Variants in ABCB11 observed in about 807,000 individuals in gnomAD.
The protein encoded by ABCB11 is ATP binding cassette subfamily B member 11.
Under a neutral mutation model 148.0 loss-of-function variants are expected in ABCB11, and 95 were observed. The observed-to-expected ratio is 0.64, with a 90% CI of 0.54 to 0.76. ABCB11 has a LOEUF of 0.76. ABCB11 is among the 30% of genes least tolerant of loss of function. ABCB11 has a pLI of 0.00. For missense variants in ABCB11, 1,523 were observed against 1,617.8 expected, an observed-to-expected ratio of 0.94 and a Z score of 1.01; for synonymous variants, 591 against 555.4, an observed-to-expected ratio of 1.06 and a Z score of -0.90.
At chr2:168,945,242 G>A (rs1244764625) in intron 19 of ABCB11, among the ~76,000 whole-genome samples, 2 of 151,736 alleles carry the variant, frequency 1.3e-5, no homozygotes, top group Non-Finnish European at 2.9e-5. Flanking sequence ...GGAAATCTCT[G>A]TACCTTCCTC....
chr2:169,003,347 T>C (rs894903640), intron 5 of ABCB11, among the ~76,000 whole-genome samples: 47 of 148,234 alleles, frequency 3.2e-4, no homozygotes, highest in African/African-American at 9.4e-4. Context: ...TGTGTGTGTG[T>C]GCATATATAT....
chr2:168,920,660 A>G (rs1426025629), downstream of ABCB11, among the ~76,000 whole-genome samples: 53 of 152,224 alleles, frequency 3.5e-4, 1 homozygote, highest in Admixed American at 3.5e-3. Context: ...AAGTTTAAAC[A>G]GAACAAATTA....
chr2:168,967,059 C>T (rs926415616), intron 17 of ABCB11, among the ~76,000 whole-genome samples: 1 of 151,832 alleles, frequency 6.6e-6, no homozygotes, highest in African/African-American at 2.4e-5. Flanking sequence ...TCATAAGAAA[C>T]ATGTCCACTT....
In ABCB11 at chr2:168,990,820, C is replaced by T; in HGVS notation, c.889G>A (p.Glu297Lys). ...ACCAACCTTTCAACCTCTCTTTTCT[C>T]ACCACCAAAAGCAGCCACTGTTCTC... ...SMRTVAAFGG[E>K]KREVERYEKN... Residue 297 changes from glutamate (E) to lysine (K), a missense_variant, in exon 9 of 28, where the codon GAG (glutamate) becomes AAG (lysine). Glu to Lys is a moderately conservative substitution (Grantham distance 56). Transcript: ENST00000650372. 3.7e-6 allele frequency: 6 copies of T among 1,613,122 alleles called. No homozygotes were observed. The highest frequency in any genetic ancestry group is 5.1e-6 in the Non-Finnish European group (6 of 1,179,322).
At chr2:168,983,836 A>C (rs1203612269) in intron 10 of ABCB11, among the ~76,000 whole-genome samples, 1 of 151,658 alleles carries the variant, frequency 6.6e-6, no homozygotes, top group Non-Finnish European at 1.5e-5. Flanking sequence ...GAGCTAAAAA[A>C]TTTTACTTAA....
chr2:168,923,615 C>T lies in ABCB11; in HGVS notation c.*7G>A. The stretch of plus-strand genomic sequence containing the variant: ...GCGTCATGTGTGTCTGAGATTCTTG[C>T]ATTGGGTCAACTGATGGGGGATCCA... On this transcript the variant is annotated 3_prime_UTR_variant, in exon 28 of 28. Transcript: ENST00000650372. 6.2e-7 allele frequency: 1 copy of T among 1,613,678 alleles called. No individual in the cohort carries two copies. Among genetic ancestry groups the T allele is most frequent in the Non-Finnish European group, 8.5e-7 (1 of 1,179,762 alleles).
At chr2:169,014,065 C>T (rs186150536) in intron 4 of ABCB11, among the ~76,000 whole-genome samples, 1 of 152,146 alleles carries the variant, frequency 6.6e-6, no homozygotes, top group East Asian at 1.9e-4. Context: ...TAACCATGGG[C>T]TTAGTGATAA....
At chr2:168,975,769 A>G (rs911983688) in intron 12 of ABCB11, among the ~76,000 whole-genome samples, 1 of 147,532 alleles carries the variant, frequency 6.8e-6, no homozygotes. Flanking sequence ...TATATATATC[A>G]CAGATATATG....
Position 168,930,737 on chromosome 2 carries a change from C to T in ABCB11, c.3339G>A (p.Gly1113=), listed in dbSNP as rs1691531877. ...ISPGQTLAFV[G]SSGCGKSTSI... is the part of the protein sequence containing the mutation. ...TAGTGCTTTTGCCACATCCACTGCT[C>T]CCAACAAACGCCAGTGTCTGCCCTG... Residue 1113 remains glycine, a synonymous_variant, in exon 25 of 28, where the codon GGG becomes GGA. Coordinates refer to ENST00000650372, the MANE Select transcript of ABCB11 (RefSeq NM_003742.4). The T allele has an allele frequency of 6.2e-7, 1 of 1,609,154 alleles. No homozygotes were observed. The highest frequency in any genetic ancestry group is 8.5e-7 in the Non-Finnish European group (1 of 1,176,684).
At chr2:168,982,962 G>C (rs1694186129) in intron 10 of ABCB11, among the ~76,000 whole-genome samples, 1 of 152,166 alleles carries the variant, frequency 6.6e-6, no homozygotes, top group Non-Finnish European at 1.5e-5. Context: ...TGCCATGTCT[G>C]CACATAGCAA....
chr2:168,993,958 C>T (rs1191347484), intron 7 of ABCB11, 76 bp from the exon 8 acceptor site: 1 of 1,233,368 alleles, frequency 8.1e-7, no homozygotes, highest in Non-Finnish European at 1.1e-6. Flanking sequence ...CTCAGTCTTT[C>T]CCTTTTAAAC....
chr2:168,997,774 C>T (rs1200389576), intron 5 of ABCB11, among the ~76,000 whole-genome samples: 3 of 151,952 alleles, frequency 2.0e-5, no homozygotes, highest in Non-Finnish European at 2.9e-5. Context: ...ATAAACTGCA[C>T]TATTAGTCAA....
In ABCB11 at chr2:168,927,257, T is replaced by C. The variant is rs764069770; in HGVS notation, c.3517A>G (p.Asn1173Asp). The change falls in exon 26 of 28, where the codon AAT (asparagine) becomes GAT (aspartate). Residue 1173 changes from asparagine (N) to aspartate (D), a missense_variant. Physicochemically the swap from Asn to Asp is conservative, Grantham distance 23. Transcript: ENST00000650372. ...TTGGTGTTGTCTCCATACTTGATAT[T>C]GTCCATTATGCTACAGGCAAACAAC... Reference protein sequence around the residue: ...PVLFACSIMDNIKYGDNTKEI... With the variant: ...PVLFACSIMDDIKYGDNTKEI... 6.2e-7 allele frequency: 1 copy of C among 1,613,916 alleles called. No homozygotes were observed. The highest frequency in any genetic ancestry group is 1.7e-5 in the Admixed American group (1 of 60,018).
At chr2:168,933,041 A>G (rs1427123611) in intron 23 of ABCB11, among the ~76,000 whole-genome samples, 2 of 150,930 alleles carry the variant, frequency 1.3e-5, no homozygotes, top group African/African-American at 2.4e-5. Flanking sequence ...CCTGGGAGGC[A>G]GAGCTTGCAG....
intron 6 of ABCB11, among the ~76,000 whole-genome samples, chr2:168,996,259 C>A (rs1387607251): frequency 6.6e-6 from 1 of 152,028 alleles, no homozygotes. Flanking sequence ...TTTAGCAATG[C>A]GAGAAAAAGA....
At chr2:169,017,921 A>G (rs1024913842) in intron 2 of ABCB11, 129 bp downstream of exon 2, 12 of 819,760 alleles carry the variant, frequency 1.5e-5, no homozygotes, top group Non-Finnish European at 2.4e-5. Context: ...GTGTATAAGA[A>G]TCACACACAA....
At chr2:169,015,110 T>C (rs1695313179) in intron 3 of ABCB11, among the ~76,000 whole-genome samples, 2 of 152,158 alleles carry the variant, frequency 1.3e-5, no homozygotes, top group African/African-American at 2.4e-5. Flanking sequence ...TTTCCTTCCA[T>C]TGCTAAACCC....
chr2:168,918,028 C>T (rs58727653), downstream of ABCB11, among the ~76,000 whole-genome samples: 574 of 145,904 alleles, frequency 3.9e-3, 3 homozygotes, highest in African/African-American at 0.014. Context: ...ATAAATTTCA[C>T]CTGTTTTTTT....
At position 168,973,739 on chromosome 2, in the gene ABCB11, T is replaced by A. The variant is rs775872026; in HGVS notation, c.1410A>T (p.Arg470=). The change falls in exon 13 of 28, where the codon CGA becomes CGT. Residue 470 remains arginine (R), a synonymous_variant. Transcript: ENST00000650372. ...GKSTALQLIQ[R]FYDPCEGMVT... ...CCATTCCTTCACAGGGGTCATAGAA[T>A]CGCTGAATGAGTTGCAGTGCTGTAC... 1.5e-5 allele frequency: 24 copies of A among 1,612,032 alleles called. No homozygotes were observed. Among genetic ancestry groups the A allele is most frequent in the Non-Finnish European group, 1.9e-5 (22 of 1,178,612 alleles).
Sources: gnomAD v4.1 joint callset for allele counts (sites outside exome capture counted in the v4.1 genomes callset) on GRCh38, gnomAD v4.1.1 for gene constraint, MANE v1.5 for transcripts, NCBI Gene and HGNC (gene_info 2026-07-23, HGNC 2026-07-21) for gene names.